The following CLASP1 variants were observed in gnomAD, a reference collection of about 807,000 sequenced individuals.
CLASP1 encodes cytoplasmic linker associated protein 1.
Under a neutral mutation model 192.3 loss-of-function variants are expected in CLASP1, and 38 were observed. The observed-to-expected ratio is 0.20, with a 90% CI of 0.15 to 0.26. The LOEUF is 0.26. CLASP1 is among the 10% of genes least tolerant of loss of function. The pLI is 1.00. For synonymous variants in CLASP1, 691 were observed against 712.8 expected, an observed-to-expected ratio of 0.97 and a Z score of 0.49; for missense variants, 1,433 against 1,932.5, an observed-to-expected ratio of 0.74 and a Z score of 4.85.
At chr2:121,517,185 C>T (rs942990854) in intron 6 of CLASP1, among the ~76,000 whole-genome samples, 4 of 152,034 alleles carry the variant, frequency 2.6e-5, no homozygotes, top group African/African-American at 4.8e-5. Flanking sequence ...GTTAAAAAAT[C>T]TGCAAATAAA....
At chr2:121,479,512 A>G (rs1252025225) in intron 8 of CLASP1, among the ~76,000 whole-genome samples, 1 of 152,236 alleles carries the variant, frequency 6.6e-6, no homozygotes, top group African/African-American at 2.4e-5. Flanking sequence ...CCATGTTCAT[A>G]TATCAGAGGA....
At chr2:121,470,071 G>A in intron 8 of CLASP1, 111 bp from the exon 9 acceptor site, 3 of 901,926 alleles carry the variant, frequency 3.3e-6, no homozygotes, top group Middle Eastern at 2.4e-4. Context: ...GACTGATTCT[G>A]CATACTCTTT....
intron 37 of CLASP1, among the ~76,000 whole-genome samples, chr2:121,350,675 T>C (rs1004207477): frequency 2.0e-5 from 3 of 152,216 alleles, no homozygotes; most frequent in Non-Finnish European, 2.9e-5. Flanking sequence ...TGAGTTCATC[T>C]CATTAACAAT....
At chr2:121,627,990 T>C (rs938331428) in intron 1 of CLASP1, among the ~76,000 whole-genome samples, 2 of 152,226 alleles carry the variant, frequency 1.3e-5, no homozygotes, top group African/African-American at 2.4e-5. Flanking sequence ...TGAAATTTCA[T>C]ACCCTGTCCA....
intron 1 of CLASP1, among the ~76,000 whole-genome samples, chr2:121,608,744 G>C (rs10189099): frequency 0.24 from 36,121 of 152,094 alleles, 6,549 homozygotes; most frequent in African/African-American, 0.5. Context: ...GTTGGTTACA[G>C]AGCAATAGAT....
At chr2:121,648,727 A>G (rs2073647927) in intron 1 of CLASP1, among the ~76,000 whole-genome samples, 2 of 152,200 alleles carry the variant, frequency 1.3e-5, no homozygotes, top group Non-Finnish European at 2.9e-5. Flanking sequence ...AGAAGTCTGC[A>G]CAGGCTTAAC....
intron 8 of CLASP1, among the ~76,000 whole-genome samples, chr2:121,476,573 G>A (rs1453481687): frequency 1.3e-5 from 2 of 152,138 alleles, no homozygotes; most frequent in African/African-American, 4.8e-5. Context: ...ACTGCTCATT[G>A]CCTATCTGCC....
At chr2:121,368,973 T>A (rs941849835) in intron 34 of CLASP1, among the ~76,000 whole-genome samples, 2 of 152,180 alleles carry the variant, frequency 1.3e-5, no homozygotes, top group Non-Finnish European at 2.9e-5. Context: ...TGCATCCTCA[T>A]CCCTCTCCCT....
intron 2 of CLASP1, among the ~76,000 whole-genome samples, chr2:121,584,813 C>T (rs548238350): frequency 8.3e-4 from 126 of 152,274 alleles, no homozygotes; most frequent in African/African-American, 2.9e-3. Flanking sequence ...AACTGTTTAT[C>T]CCTCTGTGGC....
At chr2:121,551,556 C>T (rs2058047101) in intron 2 of CLASP1, among the ~76,000 whole-genome samples, 1 of 152,132 alleles carries the variant, frequency 6.6e-6, no homozygotes, top group Non-Finnish European at 1.5e-5. Flanking sequence ...ACACCAGCAA[C>T]AGGCAAGCAG....
chr2:121,341,438 G>A (rs1203000241), intron 39 of CLASP1, among the ~76,000 whole-genome samples: 1 of 152,162 alleles, frequency 6.6e-6, no homozygotes, highest in South Asian at 2.1e-4. Context: ...GTGACACCAC[G>A]CCTGACAGTA....
intron 1 of CLASP1, among the ~76,000 whole-genome samples, chr2:121,636,105 A>T (rs112825309): frequency 6.7e-6 from 1 of 148,742 alleles, no homozygotes; most frequent in Non-Finnish European, 1.5e-5. Flanking sequence ...TTGGGAGGCT[A>T]AGGCAGGTGG....
At chr2:121,383,603 G>A (rs890581972) in intron 32 of CLASP1, among the ~76,000 whole-genome samples, 2 of 142,962 alleles carry the variant, frequency 1.4e-5, no homozygotes, top group African/African-American at 6.0e-5. Context: ...TATTGCTAGG[G>A]ACATACATGC....
chr2:121,364,940 C>T, intron 36 of CLASP1, 154 bp downstream of exon 37: 3 of 761,750 alleles, frequency 3.9e-6, no homozygotes, highest in Non-Finnish European at 6.6e-6. Flanking sequence ...ACTAAACGTG[C>T]TCAGAAAATA....
intron 2 of CLASP1, among the ~76,000 whole-genome samples, chr2:121,544,244 T>C (rs969389579): frequency 3.5e-4 from 54 of 152,232 alleles, no homozygotes; most frequent in African/African-American, 1.2e-3. Flanking sequence ...GACCAAAATA[T>C]CTGTGAATTG....
chr2:121,553,683 G>A (rs574616326), intron 2 of CLASP1, among the ~76,000 whole-genome samples: 1 of 152,152 alleles, frequency 6.6e-6, no homozygotes, highest in Admixed American at 6.5e-5. Flanking sequence ...CCTGGTGACA[G>A]AGCAAGACTC....
At chr2:121,448,201 T>C in intron 18 of CLASP1, 75 bp downstream of exon 18, 6 of 1,337,526 alleles carry the variant, frequency 4.5e-6, no homozygotes, top group South Asian at 1.2e-5. Context: ...CTCCTGTGCC[T>C]GGGCAGCCTC....
At chr2:121,357,881 C>T (rs935421306) in intron 37 of CLASP1, among the ~76,000 whole-genome samples, 3 of 152,220 alleles carry the variant, frequency 2.0e-5, no homozygotes, top group Non-Finnish European at 4.4e-5. Flanking sequence ...TGGCTCCTAG[C>T]TAAAGTTCTC....
At chr2:121,387,393 C>T (rs570913283) in intron 31 of CLASP1, among the ~76,000 whole-genome samples, 165 bp from the exon 33 acceptor site, 1 of 151,438 alleles carries the variant, frequency 6.6e-6, no homozygotes, top group African/African-American at 2.4e-5. Flanking sequence ...TGTATATAAA[C>T]CAAAAATGAA....
Sources: gnomAD v4.1 joint callset for allele counts (sites outside exome capture counted in the v4.1 genomes callset) on GRCh38, gnomAD v4.1.1 for gene constraint, MANE v1.5 for transcripts, NCBI Gene and HGNC (gene_info 2026-07-23, HGNC 2026-07-21) for gene names.